NFYC: variants seen among roughly 807,000 people sequenced by gnomAD.
NFYC encodes the protein nuclear transcription factor Y subunit gamma.
A neutral mutation model predicts 53.1 loss-of-function variants in NFYC; 25 were observed. That is an observed-to-expected ratio of 0.47 (90% CI 0.34 to 0.66). The LOEUF (loss-of-function observed/expected upper bound fraction) is 0.66. Among genes scored for constraint, NFYC ranks in the 30% least tolerant of loss-of-function variants. The pLI is 0.01. For synonymous variants in NFYC, 145 were observed against 152.6 expected, an observed-to-expected ratio of 0.95 and a Z score of 0.37; for missense variants, 260 against 422.7, an observed-to-expected ratio of 0.62 and a Z score of 3.38.
chr1:40,767,096 C>G (rs1314463339), intron 8 of NFYC: 1 of 992,442 alleles, frequency 1.0e-6, no homozygotes, highest in Admixed American at 2.0e-5. Context: ...GGAAAGCTTA[C>G]TTAGATTTTA....
Position 40,758,180 on chromosome 1 carries a change from T to C in NFYC, c.447T>C (p.Ala149=). 1 of 1,612,616 alleles carries C rather than the reference T, an allele frequency of 6.2e-7. No individual in the cohort carries two copies. Among genetic ancestry groups the C allele is most frequent in the Non-Finnish European group, 8.5e-7 (1 of 1,179,982 alleles). Residue 149 remains alanine (A), a synonymous_variant, in exon 6 of 10, where the codon GCT becomes GCC. Transcript: ENST00000447388. The part of the protein sequence containing the change: ...AEPVQYYFTL[A]QQPTAVQVQG... ...CAGTCCAGTACTATTTCACGCTGGC[T>C]CAGCAACCCACCGCTGTCCAAGTCC...
intron 5 of NFYC, among the ~76,000 whole-genome samples, chr1:40,756,105 G>A (rs1646203885): frequency 6.6e-6 from 1 of 152,098 alleles, no homozygotes; most frequent in Admixed American, 6.5e-5. Context: ...AGTGATTTGT[G>A]CTTTTTGTAA....
intron 1 of NFYC, among the ~76,000 whole-genome samples, chr1:40,726,692 C>T (rs1196784919): frequency 6.6e-6 from 1 of 152,246 alleles, no homozygotes; most frequent in Admixed American, 6.5e-5. Flanking sequence ...GCTGGGATTA[C>T]TGGCGTGAGC....
chr1:40,769,315 C>G (rs771724537), intron 8 of NFYC, 41 bp from the exon 9 acceptor site: 2 of 1,602,232 alleles, frequency 1.2e-6, no homozygotes, highest in Non-Finnish European at 1.7e-6. Flanking sequence ...GGATCAGACC[C>G]TGCAGCTGAC....
At chr1:40,747,642 G>A in intron 3 of NFYC, 37 bp downstream of exon 3, 1 of 1,358,304 alleles carries the variant, frequency 7.4e-7, no homozygotes, top group South Asian at 1.2e-5. Flanking sequence ...TCTTATTGAA[G>A]CTAAGTGATG....
rs145195439 is a variant in NFYC at position 40,715,909 on chromosome 1, A to G, written c.-8-22927A>G. 5.0e-3 allele frequency among the ~76,000 whole-genome samples: 759 copies of G among 152,362 alleles called. 5 individuals carry two copies. The highest frequency in any genetic ancestry group is 0.018 in the African/African-American group (736 of 41,584). Reference sequence around the variant, plus strand: ...AAAGAAGACTAAAATAACTACAGCAAATAGCAGTGCTAATTCACTTGGTTA... The same window carrying G: ...AAAGAAGACTAAAATAACTACAGCAGATAGCAGTGCTAATTCACTTGGTTA... On this transcript the variant is annotated intron_variant, in intron 1 of 9. Coordinates refer to ENST00000447388, the MANE Select transcript of NFYC (RefSeq NM_014223.5).
At chr1:40,721,218 T>C (rs769508040) in intron 1 of NFYC, among the ~76,000 whole-genome samples, 5 of 152,210 alleles carry the variant, frequency 3.3e-5, no homozygotes, top group Non-Finnish European at 7.3e-5. Context: ...TCTTTACATT[T>C]GTACTGTAAA....
At chr1:40,714,373 A>T (rs2148465235) in intron 1 of NFYC, among the ~76,000 whole-genome samples, 1 of 152,282 alleles carries the variant, frequency 6.6e-6, no homozygotes, top group African/African-American at 2.4e-5. Flanking sequence ...GTGCTTGTGT[A>T]TGTTTGAGTA....
intron 6 of NFYC, among the ~76,000 whole-genome samples, chr1:40,761,245 G>A (rs919502290): frequency 3.3e-5 from 5 of 152,154 alleles, no homozygotes; most frequent in Non-Finnish European, 7.4e-5. Context: ...CAACCCAGAC[G>A]TGCTCAGCTT....
chr1:40,693,617 C>T (rs1642964311), intron 1 of NFYC, among the ~76,000 whole-genome samples: 1 of 152,138 alleles, frequency 6.6e-6, no homozygotes, highest in South Asian at 2.1e-4. Flanking sequence ...TTATCGTCCC[C>T]ATATTGCAGA....
chr1:40,705,570 T>C (rs1643656133), intron 1 of NFYC, among the ~76,000 whole-genome samples: 1 of 152,234 alleles, frequency 6.6e-6, no homozygotes, highest in Non-Finnish European at 1.5e-5. Context: ...CTCTTGTTAA[T>C]GATTTACCTA....
intron 1 of NFYC, among the ~76,000 whole-genome samples, chr1:40,711,040 C>G (rs1327395772): frequency 6.6e-6 from 1 of 152,084 alleles, no homozygotes; most frequent in African/African-American, 2.4e-5. Flanking sequence ...ATTCTCTCTC[C>G]CACTCTTTTT....
chr1:40,693,195 C>T lies in NFYC; in HGVS notation c.-9+1328C>T, dbSNP rs560177677. Among the ~76,000 whole-genome samples, 35 of 152,262 alleles carry T rather than the reference C, an allele frequency of 2.3e-4. 1 individual carries two copies. In the South Asian group the frequency reaches 7.3e-3, roughly 32 times the overall value. On this transcript the variant is annotated intron_variant, in intron 1 of 9. Coordinates refer to ENST00000447388, the MANE Select transcript of NFYC (RefSeq NM_014223.5). ...AAACCAAAAAAAAGCCCATGCATAG[C>T]TTCTTAAGGAACAGGACTTGTCAAC...
chr1:40,725,016 A>G (rs1644459908), intron 1 of NFYC, among the ~76,000 whole-genome samples: 1 of 152,192 alleles, frequency 6.6e-6, no homozygotes, highest in Non-Finnish European at 1.5e-5. Flanking sequence ...GGGGAAGTAG[A>G]GCTATGTTAT....
intron 2 of NFYC, among the ~76,000 whole-genome samples, chr1:40,743,153 T>C (rs982043985): frequency 4.6e-5 from 7 of 152,242 alleles, no homozygotes; most frequent in African/African-American, 1.7e-4. Flanking sequence ...TCATGATGTG[T>C]TGGAAACACT....
At chr1:40,748,846 C>G (rs548457689) in intron 3 of NFYC, among the ~76,000 whole-genome samples, 1 of 152,322 alleles carries the variant, frequency 6.6e-6, no homozygotes, top group South Asian at 2.1e-4. Flanking sequence ...TTCCATTTTA[C>G]AGACAATGGA....
chr1:40,753,013 G>C, intron 4 of NFYC, 138 bp from the exon 5 acceptor site: 1 of 618,024 alleles, frequency 1.6e-6, no homozygotes, highest in Non-Finnish European at 2.9e-6. Context: ...GAGTTTGGCT[G>C]TGCTTATTTC....
intron 4 of NFYC, among the ~76,000 whole-genome samples, chr1:40,751,718 A>AT (rs1379225180): frequency 6.6e-6 from 1 of 151,868 alleles, no homozygotes; most frequent in Non-Finnish European, 1.5e-5. Context: ...AAGTATATCT[A>AT]TGTTTCCAAA....
At chr1:40,762,819 T>C (rs965389324) in intron 6 of NFYC, 69 bp from the exon 7 acceptor site, 20 of 1,404,074 alleles carry the variant, frequency 1.4e-5, no homozygotes, top group Non-Finnish European at 1.8e-5. Flanking sequence ...TGCTCGTTAT[T>C]AACCTCTCGG....
Sources: allele counts gnomAD v4.1 joint callset (sites outside exome capture counted in the v4.1 genomes callset), GRCh38; gene constraint gnomAD v4.1.1; transcripts MANE v1.5; gene names NCBI Gene and HGNC (gene_info 2026-07-23, HGNC 2026-07-21).